Variants in SRGAP2 observed in about 807,000 individuals in gnomAD.
SRGAP2 encodes SLIT-ROBO Rho GTPase activating protein 2, also known as SLIT-ROBO Rho GTPase-activating protein 2.
Under a neutral mutation model 57.2 loss-of-function variants are expected in SRGAP2, and 15 were observed. The ratio of observed to expected loss-of-function variants is 0.26; its 90% CI spans 0.18 to 0.40. The LOEUF is 0.40. Ranked by LOEUF, SRGAP2 falls within the 10% of genes least tolerant of loss-of-function variation. The probability of loss-of-function intolerance (pLI) is 1.00; values close to 1 mark genes in which losing one functional copy is unlikely to be tolerated. For missense variants in SRGAP2, 520 were observed against 669.6 expected, an observed-to-expected ratio of 0.78 and a Z score of 2.47; for synonymous variants, 249 against 248.0, an observed-to-expected ratio of 1.00 and a Z score of -0.04.
intron 16 of SRGAP2, among the ~76,000 whole-genome samples, chr1:206,438,528 G>A (rs1221553132): frequency 1.3e-5 from 2 of 152,178 alleles, no homozygotes; most frequent in Non-Finnish European, 2.9e-5. Context: ...ATGTGTTCTA[G>A]GAACAAAAGC....
At chr1:206,459,279 T>C (rs533201937) in intron 22 of SRGAP2, among the ~76,000 whole-genome samples, 1 of 152,320 alleles carries the variant, frequency 6.6e-6, no homozygotes, top group South Asian at 2.1e-4. Flanking sequence ...CTTGGTAGAC[T>C]TTAGTGAAAC....
chr1:206,306,249 T>C (rs1243784654), intron 3 of SRGAP2, among the ~76,000 whole-genome samples: 1 of 150,668 alleles, frequency 6.6e-6, no homozygotes, highest in African/African-American at 2.5e-5. Flanking sequence ...GTGTCTGGAG[T>C]CTGTCCCTTC....
chr1:206,458,730 G>A lies in SRGAP2; in HGVS notation c.2615G>A (p.Ser872Asn). 1.3e-6 allele frequency: 1 copy of A among 780,564 alleles called. No individual in the cohort carries two copies. The highest frequency in any genetic ancestry group is 2.4e-6 in the Non-Finnish European group (1 of 417,868). The allele number at this position is 780,564 out of a possible 1,614,324, so 48.4% of individuals were successfully genotyped here. Reference sequence around the variant, plus strand: ...TCCTCCTCCCCAGGGGTGGGGGCTAGCTGCCGCCCATCCTCCCAGCCCATC... The same window carrying A: ...TCCTCCTCCCCAGGGGTGGGGGCTAACTGCCGCCCATCCTCCCAGCCCATC... ...TDSSSPGVGA[S>N]CRPSSQPIMS... The change falls in exon 22 of 23, where the codon AGC becomes AAC. Residue 872 changes from serine (S) to asparagine (N), a missense_variant. This residue lies in a region of SRGAP2 where 478 missense variants were observed against 373.6 expected (regional missense o/e 1.28). Coordinates refer to ENST00000573034, the MANE Select transcript of SRGAP2 (RefSeq NM_015326.5).
intron 3 of SRGAP2, among the ~76,000 whole-genome samples, chr1:206,304,115 A>G (rs1427534932): frequency 3.9e-5 from 6 of 152,090 alleles, no homozygotes; most frequent in African/African-American, 1.4e-4. Flanking sequence ...TTTATTTTAT[A>G]CAACTGGCCC....
chr1:206,427,652 G>A (rs1660916231), intron 13 of SRGAP2, among the ~76,000 whole-genome samples: 1 of 152,154 alleles, frequency 6.6e-6, no homozygotes, highest in Non-Finnish European at 1.5e-5. Flanking sequence ...GGGGATCCAC[G>A]CAGACCTGTC....
intron 21 of SRGAP2, 183 bp downstream of exon 21, chr1:206,455,207 C>T (rs1663723909): frequency 3.1e-6 from 2 of 643,908 alleles, no homozygotes; most frequent in Admixed American, 2.3e-5. Flanking sequence ...TGCTACAAGC[C>T]TCGGGGCAGG....
chr1:206,282,862 CACTCTGTGTTCACATTAAT>C (rs1571755303), intron 2 of SRGAP2, among the ~76,000 whole-genome samples: 1 of 146,044 alleles, frequency 6.8e-6, no homozygotes, highest in East Asian at 2.1e-4. Context: ...ATCTAATTCC[CACTCTGTGTTCACATTAAT>C]AGCTTCCCAT....
At chr1:206,335,994 A>T (rs1558320126) in intron 3 of SRGAP2, among the ~76,000 whole-genome samples, 1 of 152,178 alleles carries the variant, frequency 6.6e-6, no homozygotes, top group Non-Finnish European at 1.5e-5. Context: ...TCATTCAGGA[A>T]ATCGTAAGCA....
intron 2 of SRGAP2, among the ~76,000 whole-genome samples, chr1:206,215,136 A>G (rs1666571101): frequency 1.4e-5 from 2 of 144,200 alleles, no homozygotes; most frequent in South Asian, 2.4e-4. Flanking sequence ...AAGTCACTCA[A>G]CTTCTCTTCC....
At chr1:206,371,319 G>A (rs1264381374) in intron 4 of SRGAP2, among the ~76,000 whole-genome samples, 8 of 149,564 alleles carry the variant, frequency 5.3e-5, no homozygotes, top group Non-Finnish European at 1.2e-4. Flanking sequence ...AAAATATATC[G>A]CCAGCAGACT....
intron 19 of SRGAP2, among the ~76,000 whole-genome samples, chr1:206,451,109 C>A: frequency 7.3e-6 from 1 of 137,702 alleles, no homozygotes. Context: ...AGAGTGAGAC[C>A]CTGTCTAAAA....
intron 2 of SRGAP2, among the ~76,000 whole-genome samples, chr1:206,287,259 C>T (rs1382157009): frequency 4.6e-5 from 7 of 151,564 alleles, no homozygotes; most frequent in African/African-American, 1.2e-4. Context: ...AGTTCAGGTT[C>T]GGGCATGTTA....
In SRGAP2 at chr1:206,359,798, C is replaced by CTTTTT. The variant is rs1166916482; in HGVS notation, c.423+16812_423+16816dup. 2.8e-3 allele frequency among the ~76,000 whole-genome samples: 195 copies of CTTTTT among 70,226 alleles called. 36 individuals carry two copies. Among genetic ancestry groups the CTTTTT allele is most frequent in the African/African-American group, 9.5e-3 (161 of 16,908 alleles). The allele number at this position is 70,226 out of a possible 152,430, so 46.1% of individuals were successfully genotyped here. ...AGGATGGGGTACAAGGGATATTGCTCTTTTTTTTTTTTTTTTTTTTTTTTT... is the reference window on the plus strand; with the variant it reads ...AGGATGGGGTACAAGGGATATTGCTCTTTTTTTTTTTTTTTTTTTTTTTTTTTTTT... On this transcript the variant is annotated intron_variant, in intron 4 of 22. Coordinates refer to ENST00000573034, the MANE Select transcript of SRGAP2 (RefSeq NM_015326.5).
intron 4 of SRGAP2, among the ~76,000 whole-genome samples, chr1:206,373,190 G>A (rs1654881174): frequency 2.1e-5 from 3 of 144,676 alleles, no homozygotes; most frequent in Admixed American, 1.4e-4. Context: ...CTGCCTCCCG[G>A]GTTCAAGCAG....
intron 7 of SRGAP2, among the ~76,000 whole-genome samples, 178 bp downstream of exon 7, chr1:206,393,851 T>A (rs1553352405): frequency 7.1e-6 from 1 of 140,848 alleles, no homozygotes; most frequent in African/African-American, 2.7e-5. Context: ...TCACACTTAT[T>A]CAATCCTAAC....
At chr1:206,359,996 CG>C (rs1292644815) in intron 4 of SRGAP2, among the ~76,000 whole-genome samples, 1 of 150,612 alleles carries the variant, frequency 6.6e-6, no homozygotes, top group Admixed American at 6.6e-5. Flanking sequence ...TTAGTAGAGA[CG>C]GGGTTTCACC....
chr1:206,424,283 A>C (rs12093565), intron 13 of SRGAP2, among the ~76,000 whole-genome samples: 3,815 of 152,280 alleles, frequency 0.025, 79 homozygotes, highest in African/African-American at 0.058. Context: ...AAAGTGTATG[A>C]AGGAATTAAG....
At chr1:206,427,641 G>T (rs1348707212) in intron 13 of SRGAP2, among the ~76,000 whole-genome samples, 2 of 152,156 alleles carry the variant, frequency 1.3e-5, no homozygotes, top group Non-Finnish European at 2.9e-5. Flanking sequence ...AGAGCCAGGG[G>T]GGGGATCCAC....
chr1:206,419,376 A>C lies in SRGAP2; in HGVS notation c.1445A>C (p.Gln482Pro). 1.3e-6 allele frequency: 1 copy of C among 780,872 alleles called. No homozygotes were observed. The highest frequency in any genetic ancestry group is 2.4e-6 in the Non-Finnish European group (1 of 417,946). 48.4% of individuals were successfully genotyped at this position (780,872 alleles called of 1,614,324 possible). A position where few individuals can be genotyped will look rare whatever the true frequency, so the allele number is the denominator to read the frequency against. ...TTTGCCTTTGTGTTTCCAACAGGTC[A>C]GCGGACAGATTGCAGTCTAGCCAGG... ...DLLQKTLGESQRTDCSLARRS... is the reference protein window; with the variant it reads ...DLLQKTLGESPRTDCSLARRS... Residue 482 changes from glutamine to proline, a missense_variant, in exon 12 of 23, where the codon CAG becomes CCG. This residue lies in a region of SRGAP2 where 478 missense variants were observed against 373.6 expected (regional missense o/e 1.28). Transcript: ENST00000573034.
Sources: allele counts gnomAD v4.1 joint callset (sites outside exome capture counted in the v4.1 genomes callset), GRCh38; gene constraint gnomAD v4.1.1; regional missense constraint gnomAD v4.1.1; transcripts MANE v1.5; gene names NCBI Gene and HGNC (gene_info 2026-07-23, HGNC 2026-07-21).